Variants in TMEM164 observed in about 807,000 individuals in gnomAD.
The protein encoded by TMEM164 is transmembrane protein 164, also known as RP13-360B22.2.
A neutral mutation model predicts 18.8 loss-of-function variants in TMEM164; 4 were observed. The observed-to-expected ratio is 0.21, with a 90% confidence interval of 0.10 to 0.49. The LOEUF is 0.49. TMEM164 is among the 20% of genes least tolerant of loss of function. TMEM164 has a pLI of 0.98. For missense variants in TMEM164, 108 were observed against 239.9 expected, an observed-to-expected ratio of 0.45 and a Z score of 3.63; for synonymous variants, 86 against 101.7, an observed-to-expected ratio of 0.85 and a Z score of 0.93.
chrX:110,045,185 T>C (rs1354240544), intron 2 of TMEM164, among the ~76,000 whole-genome samples: 9 of 111,520 alleles, frequency 8.1e-5, no homozygotes, highest in Admixed American at 2.8e-4. Context: ...TAAAGGCCAG[T>C]GGTATCAGTT....
chrX:110,104,329 G>C (rs1202223909), intron 3 of TMEM164, among the ~76,000 whole-genome samples: 1 of 111,676 alleles, frequency 9.0e-6, no homozygotes, highest in Non-Finnish European at 1.9e-5. Flanking sequence ...AGAATGCCCT[G>C]TGCCCCTGAT....
intron 3 of TMEM164, among the ~76,000 whole-genome samples, chrX:110,084,479 G>GTATAGTATATATATATAT (rs1569321159): frequency 5.2e-4 from 14 of 27,036 alleles, no homozygotes; most frequent in Middle Eastern, 0.017. Context: ...TATATATATA[G>GTATAGTATATATATATAT]AGAGAGAGAG....
intron 2 of TMEM164, among the ~76,000 whole-genome samples, chrX:110,011,591 T>A (rs906844691): frequency 2.7e-5 from 3 of 112,321 alleles, no homozygotes; most frequent in Non-Finnish European, 5.6e-5. Flanking sequence ...TAATATCTAT[T>A]CACTTACCCA....
At chrX:110,139,681 A>G (rs1172412977) in intron 4 of TMEM164, among the ~76,000 whole-genome samples, 1 of 111,791 alleles carries the variant, frequency 8.9e-6, no homozygotes, top group East Asian at 2.8e-4. Flanking sequence ...GTGGTATTGC[A>G]AGGTAAGTAG....
chrX:110,112,324 T>C (rs2066301768), intron 4 of TMEM164, among the ~76,000 whole-genome samples: 1 of 111,371 alleles, frequency 9.0e-6, no homozygotes, highest in Non-Finnish European at 1.9e-5. Context: ...AAAGTGAGAC[T>C]CCGCCTCCAA....
intron 2 of TMEM164, among the ~76,000 whole-genome samples, chrX:110,062,481 A>AT (rs1268020836): frequency 2.7e-5 from 3 of 111,340 alleles, no homozygotes; most frequent in African/African-American, 9.8e-5. Context: ...AATTTAAATA[A>AT]TTTTTCTGGA....
chrX:110,052,753 T>G (rs897546192), intron 2 of TMEM164, among the ~76,000 whole-genome samples: 51 of 96,602 alleles, frequency 5.3e-4, no homozygotes, highest in African/African-American at 1.9e-3. Context: ...CTGTTTTTTT[T>G]TTTTTTTTTT....
Position 110,095,612 on chromosome X carries a change from C to T in TMEM164, c.441-13468C>T, listed in dbSNP as rs371776650. Among the ~76,000 whole-genome samples the T allele has an allele frequency of 1.1e-4, 12 of 111,762 alleles. No homozygotes were observed. In the South Asian group the frequency reaches 1.5e-3, roughly 14 times the overall value. On this transcript the variant is annotated intron_variant, in intron 3 of 6. Coordinates refer to ENST00000372068, the MANE Select transcript of TMEM164 (RefSeq NM_032227.4). ...TTTTTCAAGGTTTTTAGCTTCTTTG[C>T]GATGGGTTCGAACATCCTCTTTAGC...
chrX:110,180,059 G>A (rs1385259196), downstream of TMEM164, among the ~76,000 whole-genome samples: 1 of 112,423 alleles, frequency 8.9e-6, no homozygotes, highest in Non-Finnish European at 1.9e-5. Flanking sequence ...TCCTGGATAA[G>A]GAGGCAGTAT....
intron 4 of TMEM164, among the ~76,000 whole-genome samples, chrX:110,116,253 C>T (rs1326137280): frequency 8.9e-6 from 1 of 111,994 alleles, no homozygotes; most frequent in South Asian, 3.7e-4. Flanking sequence ...CATAAGAAAC[C>T]CATTTTACAT....
chrX:110,143,620 G>A (rs2066803945), intron 4 of TMEM164, among the ~76,000 whole-genome samples: 2 of 111,278 alleles, frequency 1.8e-5, no homozygotes, highest in African/African-American at 6.5e-5. Flanking sequence ...CCCATTCTGG[G>A]AGCTCTGCCA....
intron 2 of TMEM164, among the ~76,000 whole-genome samples, chrX:110,031,789 C>T (rs1158506196): frequency 9.1e-6 from 1 of 110,362 alleles, no homozygotes; most frequent in East Asian, 2.8e-4. Flanking sequence ...TACCTTTCCC[C>T]ACCTCTAGTA....
At chrX:110,146,919 C>G (rs771200287) in intron 5 of TMEM164, among the ~76,000 whole-genome samples, 1 of 112,311 alleles carries the variant, frequency 8.9e-6, no homozygotes, top group African/African-American at 3.2e-5. Context: ...CTTCTGTTCC[C>G]TAGAAGTCGC....
At position 110,021,450 on chromosome X, in the gene TMEM164, C is replaced by T. The variant is rs780955700; in HGVS notation, c.390+17286C>T. On this transcript the variant is annotated intron_variant, in intron 2 of 6. Coordinates refer to ENST00000372068, the MANE Select transcript of TMEM164 (RefSeq NM_032227.4). ...AGGGAGGGGATAAGTAGAAGAGTAG[C>T]TAAGTGGCCAAGAGGCAGGCAGGGG... 3.6e-5 allele frequency among the ~76,000 whole-genome samples: 4 copies of T among 111,008 alleles called. No homozygotes were observed. In the East Asian group the frequency reaches 1.1e-3, roughly 31 times the overall value.
intron 2 of TMEM164, among the ~76,000 whole-genome samples, chrX:110,042,669 A>G (rs1935147370): frequency 8.9e-6 from 1 of 112,149 alleles, no homozygotes; most frequent in South Asian, 3.7e-4. Context: ...CAATTTCTAC[A>G]TATCCTCACC....
rs150172788 is a variant in TMEM164 at position 110,119,797 on chromosome X, A to G, written c.507+10651A>G. 8.2e-3 allele frequency among the ~76,000 whole-genome samples: 914 copies of G among 111,910 alleles called. 6 individuals carry two copies. The highest frequency in any genetic ancestry group is 0.026 in the African/African-American group (804 of 30,792). ...GTCAGATGCTGTTGTTTTTACTACT[A>G]TTACTACTATTATCCTAAACACTGA... On this transcript the variant is annotated intron_variant, in intron 4 of 6. Coordinates refer to ENST00000372068, the MANE Select transcript of TMEM164 (RefSeq NM_032227.4).
chrX:110,050,309 C>G (rs917129206), intron 2 of TMEM164, among the ~76,000 whole-genome samples: 2 of 111,613 alleles, frequency 1.8e-5, no homozygotes, highest in Non-Finnish European at 3.8e-5. Flanking sequence ...GTGCTAGGTA[C>G]GATACAACCC....
rs755421105 is a variant in TMEM164 at position 110,176,609 on chromosome X, T to G, written c.*3158T>G. On this transcript the variant is annotated 3_prime_UTR_variant, in exon 7 of 7. Transcript: ENST00000372068. Reference sequence around the variant, plus strand: ...GCCTCTGTTGAGGTTTTTATATTTGTGATCATTGGTAATTCAGTGTCCTAT... The same window carrying G: ...GCCTCTGTTGAGGTTTTTATATTTGGGATCATTGGTAATTCAGTGTCCTAT... 1.8e-4 allele frequency: 24 copies of G among 132,644 alleles called. No homozygotes were observed. Among genetic ancestry groups the G allele is most frequent in the Non-Finnish European group, 1.9e-4 (14 of 72,543 alleles). 10.9% of individuals were successfully genotyped at this position (132,644 alleles called of 1,213,427 possible).
chrX:110,121,582 T>G (rs756587597), intron 4 of TMEM164, among the ~76,000 whole-genome samples: 1 of 112,578 alleles, frequency 8.9e-6, no homozygotes, highest in Non-Finnish European at 1.9e-5. Context: ...ATATCACATT[T>G]TGTTTAGCCA....
Sources: allele counts gnomAD v4.1 joint callset (sites outside exome capture counted in the v4.1 genomes callset), GRCh38; gene constraint gnomAD v4.1.1; transcripts MANE v1.5; gene names NCBI Gene and HGNC (gene_info 2026-07-23, HGNC 2026-07-21).